COLEC12: variants seen among roughly 807,000 people sequenced by gnomAD.
COLEC12 encodes collectin subfamily member 12.
COLEC12 carries 33 observed loss-of-function variants against 71.1 expected under a neutral mutation model. That is an observed-to-expected ratio of 0.46 (90% CI 0.35 to 0.62). The LOEUF (loss-of-function observed/expected upper bound fraction) is 0.62. COLEC12 is among the 20% of genes least tolerant of loss of function. The probability of loss-of-function intolerance (pLI) is 0.00; values close to 1 mark genes in which losing one functional copy is unlikely to be tolerated. For missense variants in COLEC12, 765 were observed against 916.1 expected (o/e 0.84, Z 2.13); for synonymous variants, 350 against 353.0 (o/e 0.99, Z 0.10).
intron 8 of COLEC12, among the ~76,000 whole-genome samples, chr18:331,046 ATTTTTGTTT>A (rs1913968394): frequency 6.7e-6 from 1 of 149,624 alleles, no homozygotes; most frequent in Non-Finnish European, 1.5e-5. Flanking sequence ...TATCCGGCTA[ATTTTTGTTT>A]TTTTTGTTTT....
chr18:333,353 G>A, intron 6 of COLEC12: 1 of 463,236 alleles, frequency 2.2e-6, no homozygotes, highest in Non-Finnish European at 3.8e-6. Context: ...CACATAATCT[G>A]GAAAAGATCT....
rs2143806663 is a variant in COLEC12 at position 500,643 on chromosome 18, C to T, written c.-129G>A. ...CGCCGCGCGCCGGCCGTCTGCGCCC[C>T]CGTCCTCCCTCGCCGCCGCCGGCCC... is the stretch of plus-strand genomic sequence containing the variant. On this transcript the variant is annotated 5_prime_UTR_variant, in exon 1 of 10. Transcript: ENST00000400256. This position sits in a 1 kb window ranked among gnomAD's most constrained non-coding sequence, Gnocchi z 5.3. 5 of 706,574 alleles carry T rather than the reference C, an allele frequency of 7.1e-6. No homozygotes were observed. The highest frequency in any genetic ancestry group is 1.0e-4 in the Admixed American group (2 of 19,718). The allele number at this position is 706,574 out of a possible 1,614,324, so 43.8% of individuals were successfully genotyped here.
Position 346,713 on chromosome 18 carries a change from G to A in COLEC12, c.909C>T (p.Ile303=). ...TCAGGTTCTGCTCGTTGGCTTGAGA[G>A]ATAGTGGTGATGTTCTCCATCTGAC... ...FTGQMENITT[I]SQANEQNLKD... is the part of the protein sequence containing the mutation. Residue 303 remains isoleucine (I), a synonymous_variant, in exon 5 of 10, where the codon ATC becomes ATT. Coordinates refer to ENST00000400256, the MANE Select transcript of COLEC12 (RefSeq NM_130386.3). The surrounding 1 kb of genome is among the most constrained non-coding windows in gnomAD (Gnocchi z 4.0). The A allele has an allele frequency of 6.2e-7, 1 of 1,614,222 alleles. No individual in the cohort carries two copies. The highest frequency in any genetic ancestry group is 1.1e-5 in the South Asian group (1 of 91,088).
At chr18:343,590 C>G (rs55640219) in intron 5 of COLEC12, among the ~76,000 whole-genome samples, 1 of 151,868 alleles carries the variant, frequency 6.6e-6, no homozygotes, top group South Asian at 2.1e-4. Flanking sequence ...CTCCCCCTCA[C>G]GCTTAGAATA....
At chr18:369,104 T>C (rs1238109089) in intron 2 of COLEC12, among the ~76,000 whole-genome samples, 1 of 152,202 alleles carries the variant, frequency 6.6e-6, no homozygotes, top group East Asian at 1.9e-4. Flanking sequence ...GGCTTTTGCC[T>C]TCTGGAGAGC....
rs1555622343 is a variant in COLEC12, at chr18:472,701, A to AAG, written c.58+8005_58+8006insCT. Among the ~76,000 whole-genome samples, 1,099 of 143,022 alleles carry AAG rather than the reference A, an allele frequency of 7.7e-3. 12 individuals are homozygous for AAG. The highest frequency in any genetic ancestry group is 0.064 in the East Asian group (265 of 4,144). The allele number at this position is 143,022 out of a possible 152,430, so 93.8% of individuals were successfully genotyped here. A position where few individuals can be genotyped will look rare whatever the true frequency, so the allele number is the denominator to read the frequency against. Reference sequence around the variant, plus strand: ...GACAAAAAAAAAAAAAAAAAAAAAAAAAGAAGAAGAAGAAGGAAAACAACA... The same window carrying AAG: ...GACAAAAAAAAAAAAAAAAAAAAAAAAGAAGAAGAAGAAGAAGGAAAACAACA... On this transcript the variant is annotated intron_variant, in intron 2 of 9. Coordinates refer to ENST00000400256, the MANE Select transcript of COLEC12 (RefSeq NM_130386.3).
chr18:428,121 G>A (rs1414224875), intron 2 of COLEC12, among the ~76,000 whole-genome samples: 1 of 151,990 alleles, frequency 6.6e-6, no homozygotes. Flanking sequence ...AAAATTAGCC[G>A]GGCATGGTGG....
intron 2 of COLEC12, among the ~76,000 whole-genome samples, chr18:462,188 G>A (rs1483859749): frequency 6.6e-6 from 1 of 152,070 alleles, no homozygotes; most frequent in Non-Finnish European, 1.5e-5. Flanking sequence ...TCCGCTCCTA[G>A]GTATATACCC....
intron 1 of COLEC12, among the ~76,000 whole-genome samples, chr18:496,551 G>A (rs949064197): frequency 1.3e-5 from 2 of 152,138 alleles, no homozygotes; most frequent in Non-Finnish European, 2.9e-5. Flanking sequence ...AGGCTTGTTT[G>A]CTTATCCCAG....
Position 486,972 on chromosome 18 carries a change from T to C in COLEC12, c.8-6215A>G, listed in dbSNP as rs1000593744. Among the ~76,000 whole-genome samples, 9 of 152,254 alleles carry C rather than the reference T, an allele frequency of 5.9e-5. No individual in the cohort carries two copies. The East Asian group carries it at 9.7e-4, about 16-fold the overall frequency. ...TCCAGCAATTCTGCTCCTAGGTTTA[T>C]ACCTACGAGAAATAAAAACATATGT... On this transcript the variant is annotated intron_variant, in intron 1 of 9. Coordinates refer to ENST00000400256, the MANE Select transcript of COLEC12 (RefSeq NM_130386.3).
chr18:400,120 C>T (rs758120458), intron 2 of COLEC12, among the ~76,000 whole-genome samples: 5 of 151,970 alleles, frequency 3.3e-5, no homozygotes, highest in East Asian at 1.9e-4. Context: ...GGAAGGAGAC[C>T]GCAAGAAGAC....
At chr18:499,536 G>C (rs970913543) in intron 1 of COLEC12, among the ~76,000 whole-genome samples, 4 of 152,204 alleles carry the variant, frequency 2.6e-5, no homozygotes, top group Non-Finnish European at 5.9e-5. Flanking sequence ...GGCTGGAAGC[G>C]GGGTGACCGC....
chr18:442,032 CACACACACACA>C (rs1567909210), intron 2 of COLEC12, among the ~76,000 whole-genome samples: 1 of 150,982 alleles, frequency 6.6e-6, no homozygotes, highest in East Asian at 1.9e-4. Context: ...CACACACACA[CACACACACACA>C]CACACACACA....
chr18:435,194 G>A (rs545134461), intron 2 of COLEC12, among the ~76,000 whole-genome samples: 2 of 152,272 alleles, frequency 1.3e-5, no homozygotes, highest in Admixed American at 1.3e-4. Flanking sequence ...CCAATTTGAA[G>A]AAGGATAAGA....
chr18:388,355 G>A (rs920281395), intron 2 of COLEC12, among the ~76,000 whole-genome samples: 6 of 152,118 alleles, frequency 3.9e-5, no homozygotes, highest in African/African-American at 9.7e-5. Context: ...AGAGTTATCC[G>A]TATAATCTCT....
At chr18:407,876 G>A (rs2143629593) in intron 2 of COLEC12, among the ~76,000 whole-genome samples, 1 of 152,342 alleles carries the variant, frequency 6.6e-6, no homozygotes, top group South Asian at 2.1e-4. Context: ...ATAGCTGCCT[G>A]GAGCCCGCCC....
chr18:365,815 TGG>T (rs1914844050), intron 2 of COLEC12, among the ~76,000 whole-genome samples: 1 of 152,118 alleles, frequency 6.6e-6, no homozygotes, highest in Non-Finnish European at 1.5e-5. Context: ...CTGACCATGT[TGG>T]CACTCAGAAT....
intron 5 of COLEC12, among the ~76,000 whole-genome samples, chr18:337,021 CTTTTT>C (rs71363208): frequency 6.9e-6 from 1 of 144,966 alleles, no homozygotes; most frequent in Non-Finnish European, 1.5e-5. Context: ...ACATTGCCTG[CTTTTT>C]TTTTTTTTAA....
intron 2 of COLEC12, among the ~76,000 whole-genome samples, chr18:454,847 T>G (rs185327781): frequency 4.6e-5 from 7 of 152,356 alleles, no homozygotes; most frequent in Non-Finnish European, 7.3e-5. Flanking sequence ...CTACAACTAT[T>G]TCCAGAGCCT....
Sources: allele counts gnomAD v4.1 joint callset (sites outside exome capture counted in the v4.1 genomes callset), GRCh38; gene constraint gnomAD v4.1.1; non-coding constraint Gnocchi (gnomAD v3.1); transcripts MANE v1.5; gene names NCBI Gene and HGNC (gene_info 2026-07-23, HGNC 2026-07-21).